Variants in DLC1 observed in about 807,000 individuals in gnomAD.
DLC1 encodes the protein rho GTPase-activating protein 7.
In DLC1, 54 loss-of-function variants were observed where a neutral mutation model predicts 140.3. That is an observed-to-expected ratio of 0.38 (90% CI 0.31 to 0.48). DLC1 has a LOEUF of 0.48. Ranked by LOEUF, DLC1 falls within the 20% of genes least tolerant of loss-of-function variation. DLC1 has a pLI of 0.96. For synonymous variants in DLC1, 986 were observed against 728.1 expected (o/e 1.35, Z -5.70); for missense variants, 2,536 against 1,907.0 (o/e 1.33, Z -6.14).
At chr8:13,100,835 G>A (rs1420600415) in intron 8 of DLC1, 65 bp from the exon 9 acceptor site, 2 of 1,486,966 alleles carry the variant, frequency 1.3e-6, no homozygotes, top group Admixed American at 2.4e-5. Flanking sequence ...CAGGGCATGA[G>A]CAGGAGGCTG....
At chr8:13,451,290 T>C (rs1290219143) in intron 2 of DLC1, among the ~76,000 whole-genome samples, 1 of 152,130 alleles carries the variant, frequency 6.6e-6, no homozygotes, top group Non-Finnish European at 1.5e-5. Flanking sequence ...GATATTTTGG[T>C]ACAGGCATGC....
chr8:13,274,555 A>G (rs1831082034), intron 5 of DLC1, among the ~76,000 whole-genome samples: 1 of 152,216 alleles, frequency 6.6e-6, no homozygotes, highest in African/African-American at 2.4e-5. Context: ...TGTTTTCATT[A>G]ATTTACACTT....
At position 13,276,138 on chromosome 8, in the gene DLC1, G is replaced by A. The variant is rs1237602231; in HGVS notation, c.1348+29131C>T. Reference sequence around the variant, plus strand: ...GAGACCGAACACACTGCCATGACAAGAATGAAACTTCAACCAGCTGATGAG... The same window carrying A: ...GAGACCGAACACACTGCCATGACAAAAATGAAACTTCAACCAGCTGATGAG... On this transcript the variant is annotated intron_variant, in intron 5 of 17. Coordinates refer to ENST00000276297, the MANE Select transcript of DLC1 (RefSeq NM_182643.3). The A allele has an allele frequency of 9.6e-6, 13 of 1,355,180 alleles. No homozygotes were observed. The Admixed American group carries it at 2.8e-4, about 29-fold the overall frequency. The allele number at this position is 1,355,180 out of a possible 1,614,324, so 83.9% of individuals were successfully genotyped here.
intron 5 of DLC1, among the ~76,000 whole-genome samples, chr8:13,115,906 T>G (rs1820519478): frequency 6.6e-6 from 1 of 152,186 alleles, no homozygotes; most frequent in Non-Finnish European, 1.5e-5. Context: ...GAGAGTAAGT[T>G]TCTCATTTTG....
Position 13,203,751 on chromosome 8 carries a change from G to C in DLC1, c.1349-88094C>G, listed in dbSNP as rs147245281. On this transcript the variant is annotated intron_variant, in intron 5 of 17. Coordinates refer to ENST00000276297, the MANE Select transcript of DLC1 (RefSeq NM_182643.3). ...AGAAGAGGAAATTCTCTTTAAAATA[G>C]CTTTGTGATATGATTCTTGTCTTTT... is the stretch of plus-strand genomic sequence containing the variant. Among the ~76,000 whole-genome samples, 818 of 152,210 alleles carry C rather than the reference G, an allele frequency of 5.4e-3. 7 individuals carry two copies. The highest frequency in any genetic ancestry group is 0.024 in the Middle Eastern group (7 of 294).
chr8:13,226,620 A>G (rs969553411), intron 5 of DLC1, among the ~76,000 whole-genome samples: 3 of 152,182 alleles, frequency 2.0e-5, no homozygotes, highest in African/African-American at 7.2e-5. Flanking sequence ...TTACAAACAT[A>G]TGGCAATTGT....
intron 2 of DLC1, among the ~76,000 whole-genome samples, chr8:13,432,942 C>CTTT (rs35776848): frequency 2.2e-5 from 2 of 93,008 alleles, no homozygotes; most frequent in Non-Finnish European, 4.1e-5. Flanking sequence ...TCCTCTCTTC[C>CTTT]TTTTTTTTTT....
intron 5 of DLC1, among the ~76,000 whole-genome samples, chr8:13,301,802 A>G (rs1391763553): frequency 6.6e-6 from 1 of 152,196 alleles, no homozygotes; most frequent in Non-Finnish European, 1.5e-5. Flanking sequence ...TTAGATTCTC[A>G]GAGAAGCATG....
chr8:13,437,802 C>T (rs928179336), intron 2 of DLC1, among the ~76,000 whole-genome samples: 3 of 152,078 alleles, frequency 2.0e-5, no homozygotes, highest in Admixed American at 6.6e-5. Flanking sequence ...AAATGGAGTA[C>T]AAATTGATTC....
intron 5 of DLC1, among the ~76,000 whole-genome samples, chr8:13,293,837 G>C (rs916096955): frequency 1.3e-5 from 2 of 149,304 alleles, no homozygotes; most frequent in African/African-American, 5.0e-5. Context: ...ATATAATTGA[G>C]AGGAAAAGAA....
chr8:13,564,320 T>C (rs78494649), intron 1 of DLC1, among the ~76,000 whole-genome samples: 10,917 of 152,274 alleles, frequency 0.072, 511 homozygotes, highest in African/African-American at 0.12. Context: ...TTGAGTGATA[T>C]ACGATTCTTT....
intron 5 of DLC1, among the ~76,000 whole-genome samples, chr8:13,265,732 C>G (rs1327776236): frequency 6.6e-6 from 1 of 151,522 alleles, no homozygotes; most frequent in Non-Finnish European, 1.5e-5. Context: ...CTCCTCCCCT[C>G]CCCTTCCCTC....
At chr8:13,285,060 C>T (rs1051734339) in intron 5 of DLC1, among the ~76,000 whole-genome samples, 1 of 152,002 alleles carries the variant, frequency 6.6e-6, no homozygotes, top group Non-Finnish European at 1.5e-5. Flanking sequence ...TACAAAAGAC[C>T]TAAAGGAGCC....
chr8:13,529,213 A>C (rs1563422428), intron 1 of DLC1, among the ~76,000 whole-genome samples: 1 of 152,192 alleles, frequency 6.6e-6, no homozygotes, highest in Non-Finnish European at 1.5e-5. Context: ...AAGAAAAAAA[A>C]CAGAACAATT....
chr8:13,590,565 G>A (rs1357698768), intron 1 of DLC1, among the ~76,000 whole-genome samples: 2 of 151,986 alleles, frequency 1.3e-5, no homozygotes, highest in African/African-American at 4.8e-5. Context: ...CTTGGCCAAT[G>A]GATTTTGTTG....
At chr8:13,276,765 G>A in intron 5 of DLC1, 1 of 246,408 alleles carries the variant, frequency 4.1e-6, no homozygotes, top group Non-Finnish European at 6.7e-6. Context: ...AGGTGACCTC[G>A]CGTTTTCAAA....
rs1390309234 is a variant in DLC1, at chr8:13,237,205, G to GTGTT, written c.1348+68063_1348+68064insAACA. 4.7e-5 allele frequency among the ~76,000 whole-genome samples: 6 copies of GTGTT among 127,946 alleles called. No homozygotes were observed. The East Asian group carries it at 1.7e-3, about 37-fold the overall frequency. The allele number at this position is 127,946 out of a possible 152,430, so 83.9% of individuals were successfully genotyped here. A position where few individuals can be genotyped will look rare whatever the true frequency, so the allele number is the denominator to read the frequency against. ...TGTGTATATATATATATATGTGTGT[G>GTGTT]TGTGTGTGTGTGTGTGTGTATACAT... On this transcript the variant is annotated intron_variant, in intron 5 of 17. Transcript: ENST00000276297.
At chr8:13,274,837 A>C (rs779682797) in intron 5 of DLC1, among the ~76,000 whole-genome samples, 1 of 152,206 alleles carries the variant, frequency 6.6e-6, no homozygotes, top group Admixed American at 6.5e-5. Flanking sequence ...CATTTGCGGC[A>C]TTGTTTATTA....
At chr8:13,272,653 A>C (rs1163326932) in intron 5 of DLC1, among the ~76,000 whole-genome samples, 1 of 152,132 alleles carries the variant, frequency 6.6e-6, no homozygotes, top group Non-Finnish European at 1.5e-5. Flanking sequence ...CGAGGTCAAG[A>C]GATCGAGACC....
Sources: gnomAD v4.1 joint callset for allele counts (sites outside exome capture counted in the v4.1 genomes callset) on GRCh38, gnomAD v4.1.1 for gene constraint, MANE v1.5 for transcripts, NCBI Gene and HGNC (gene_info 2026-07-23, HGNC 2026-07-21) for gene names.